CNTLN: variants seen among roughly 807,000 people sequenced by gnomAD.
The protein encoded by CNTLN is centlein, also known as centlein, centrosomal protein.
A neutral mutation model predicts 180.0 loss-of-function variants in CNTLN; 212 were observed. The observed-to-expected ratio is 1.18, with a 90% CI of 1.05 to 1.32. The LOEUF (loss-of-function observed/expected upper bound fraction) is 1.32. Among genes scored for constraint, CNTLN ranks in the 40% most tolerant of loss-of-function variants. The pLI, the probability that CNTLN is intolerant of heterozygous loss-of-function variation, is 0.00. For synonymous variants in CNTLN, 722 were observed against 563.1 expected (o/e 1.28, Z -3.99); for missense variants, 2,095 against 1,610.9 (o/e 1.30, Z -5.14).
intron 6 of CNTLN, among the ~76,000 whole-genome samples, chr9:17,281,306 G>A (rs1428625654): frequency 6.6e-6 from 1 of 151,776 alleles, no homozygotes; most frequent in African/African-American, 2.4e-5. Context: ...TCAAGTTCCA[G>A]GATACACGTG....
At chr9:17,342,489 G>A (rs1001154742) in intron 12 of CNTLN, 45 bp downstream of exon 12, 1 of 1,525,786 alleles carries the variant, frequency 6.6e-7, no homozygotes, top group South Asian at 1.3e-5. Context: ...AAATACTTGG[G>A]AGAAATTTTT....
intron 5 of CNTLN, among the ~76,000 whole-genome samples, chr9:17,262,617 T>G (rs1827081509): frequency 6.6e-6 from 1 of 151,452 alleles, no homozygotes; most frequent in Admixed American, 6.6e-5. Context: ...GACAAATACC[T>G]AATGCATATT....
intron 18 of CNTLN, among the ~76,000 whole-genome samples, chr9:17,434,551 A>C (rs890235800): frequency 6.6e-6 from 1 of 151,890 alleles, no homozygotes; most frequent in Admixed American, 6.6e-5. Context: ...TTTGTTATCA[A>C]ATTTTAGTTT....
chr9:17,372,221 A>G (rs905248831), intron 13 of CNTLN, among the ~76,000 whole-genome samples: 6 of 152,170 alleles, frequency 3.9e-5, no homozygotes, highest in African/African-American at 1.2e-4. Context: ...GTTTAACCAG[A>G]CTAAGAAAAA....
intron 2 of CNTLN, among the ~76,000 whole-genome samples, chr9:17,193,361 C>A (rs1278247925): frequency 6.6e-6 from 1 of 152,152 alleles, no homozygotes; most frequent in Non-Finnish European, 1.5e-5. Flanking sequence ...CCTGTAAAAT[C>A]AAAAGCAAGC....
At chr9:17,247,590 G>T (rs911328928) in intron 5 of CNTLN, among the ~76,000 whole-genome samples, 1 of 152,088 alleles carries the variant, frequency 6.6e-6, no homozygotes, top group African/African-American at 2.4e-5. Flanking sequence ...TTAAAACCAG[G>T]TACTGTGATT....
At chr9:17,279,829 T>TGGGGCTTTAAGAGGCCGTTGGGTCATGA (rs1554676198) in intron 6 of CNTLN, among the ~76,000 whole-genome samples, 1 of 122,182 alleles carries the variant, frequency 8.2e-6, no homozygotes, top group Non-Finnish European at 1.7e-5. Flanking sequence ...TGTGGGACAT[T>TGGGGCTTTAAGAGGCCGTTGGGTCATGA]GGGCTCTGCC....
chr9:17,354,057 C>T (rs1326328611), intron 12 of CNTLN, among the ~76,000 whole-genome samples: 1 of 152,232 alleles, frequency 6.6e-6, no homozygotes, highest in South Asian at 2.1e-4. Context: ...CGGCCCCAGG[C>T]AATGAGGGAC....
chr9:17,315,708 T>C (rs1819495080), intron 8 of CNTLN, among the ~76,000 whole-genome samples: 1 of 152,066 alleles, frequency 6.6e-6, no homozygotes, highest in Non-Finnish European at 1.5e-5. Context: ...GATGTTTCCT[T>C]GAGTTCACAC....
chr9:17,498,099 A>G (rs1286911755), intron 25 of CNTLN, among the ~76,000 whole-genome samples: 2 of 152,196 alleles, frequency 1.3e-5, no homozygotes, highest in Non-Finnish European at 2.9e-5. Flanking sequence ...TAGTCTTCAA[A>G]CAGAAAACAA....
At chr9:17,272,593 T>G (rs1260604676) in intron 5 of CNTLN, among the ~76,000 whole-genome samples, 2 of 152,178 alleles carry the variant, frequency 1.3e-5, no homozygotes, top group Non-Finnish European at 2.9e-5. Flanking sequence ...CTCCCTGATA[T>G]TTGGCAGAAA....
At chr9:17,347,382 A>G (rs1424634255) in intron 12 of CNTLN, among the ~76,000 whole-genome samples, 2 of 152,166 alleles carry the variant, frequency 1.3e-5, no homozygotes, top group Non-Finnish European at 2.9e-5. Flanking sequence ...TAGGTCAAAA[A>G]TGTTGCTGGG....
intron 2 of CNTLN, among the ~76,000 whole-genome samples, chr9:17,197,051 A>G (rs188847565): frequency 6.6e-6 from 1 of 152,096 alleles, no homozygotes; most frequent in Non-Finnish European, 1.5e-5. Flanking sequence ...CATGAGTTCA[A>G]TTGTTTTAAT....
rs370227622 is a variant in CNTLN at position 17,237,126 on chromosome 9, CTT to C, written c.849+539_849+540del. 1.0e-3 allele frequency among the ~76,000 whole-genome samples: 158 copies of C among 152,050 alleles called. 4 individuals carry two copies. In the South Asian group the frequency reaches 0.032, roughly 31 times the overall value. On this transcript the variant is annotated intron_variant, in intron 5 of 25. Transcript: ENST00000380647. ...AAAAGTTACAATCAATCTTTATAAT[CTT>C]ATACCCTTTTTAAAAGGCTAATCAA... is the stretch of plus-strand genomic sequence containing the variant.
chr9:17,306,316 A>T (rs1818711426), intron 7 of CNTLN, among the ~76,000 whole-genome samples: 1 of 151,778 alleles, frequency 6.6e-6, no homozygotes, highest in South Asian at 2.1e-4. Context: ...TGCCCAGCTA[A>T]TTTTGTATTT....
chr9:17,237,280 A>G (rs1054740491), intron 5 of CNTLN, among the ~76,000 whole-genome samples: 2 of 150,298 alleles, frequency 1.3e-5, no homozygotes, highest in Admixed American at 1.3e-4. Context: ...TTTTTAAACT[A>G]TAGATTTTGT....
intron 5 of CNTLN, among the ~76,000 whole-genome samples, chr9:17,257,245 C>T (rs1018403925): frequency 9.9e-5 from 15 of 151,756 alleles, no homozygotes; most frequent in South Asian, 4.2e-4. Context: ...TTTGTTCTTG[C>T]GATAGTTTAC....
intron 19 of CNTLN, among the ~76,000 whole-genome samples, chr9:17,461,375 A>G (rs1361261595): frequency 1.3e-5 from 2 of 151,784 alleles, no homozygotes; most frequent in Non-Finnish European, 3.0e-5. Context: ...ATAAGACACA[A>G]TACATCACTG....
chr9:17,353,067 G>A (rs1379145792), intron 12 of CNTLN, among the ~76,000 whole-genome samples: 1 of 152,098 alleles, frequency 6.6e-6, no homozygotes, highest in Non-Finnish European at 1.5e-5. Flanking sequence ...GTTCTTTTGG[G>A]TATAAACCTA....
Sources: allele counts gnomAD v4.1 joint callset (sites outside exome capture counted in the v4.1 genomes callset), GRCh38; gene constraint gnomAD v4.1.1; transcripts MANE v1.5; gene names NCBI Gene and HGNC (gene_info 2026-07-23, HGNC 2026-07-21).